Variants in STARD13 observed in about 807,000 individuals in gnomAD.
The protein encoded by STARD13 is StAR related lipid transfer domain containing 13.
In STARD13, 62 loss-of-function variants were observed where a neutral mutation model predicts 106.4. That is an observed-to-expected ratio of 0.58 (90% CI 0.48 to 0.72). The LOEUF is 0.72. STARD13 is among the 30% of genes least tolerant of loss of function. The pLI is 0.00. For missense variants in STARD13, 1,387 were observed against 1,424.0 expected (o/e 0.97, Z 0.42); for synonymous variants, 565 against 553.0 (o/e 1.02, Z -0.31).
the STARD13 span, among the ~76,000 whole-genome samples, chr13:33,622,755 A>G: frequency 6.6e-6 from 1 of 150,660 alleles, no homozygotes; most frequent in South Asian, 2.1e-4. Flanking sequence ...CCCCATCTCT[A>G]CTAAAAATAC....
the STARD13 span, among the ~76,000 whole-genome samples, chr13:33,656,068 A>T: frequency 2.0e-5 from 3 of 152,102 alleles, no homozygotes. Flanking sequence ...CCTACTCCTT[A>T]TCCCACTTTC....
intron 1 of STARD13, among the ~76,000 whole-genome samples, chr13:33,301,572 T>TC (rs199987732): frequency 0.017 from 2,428 of 146,070 alleles, 68 homozygotes; most frequent in African/African-American, 0.058. Flanking sequence ...TTTTTTCTTT[T>TC]TTTTTTTTTT....
At chr13:33,113,009 C>T in intron 8 of STARD13, 78 bp from the exon 9 acceptor site, 1 of 1,126,046 alleles carries the variant, frequency 8.9e-7, no homozygotes, top group South Asian at 1.6e-5. Context: ...GTAAGCTCCA[C>T]ATTCCTCGTG....
In STARD13 at chr13:33,105,322, C is replaced by T; in HGVS notation, c.*271G>A. The T allele has an allele frequency of 2.6e-6, 1 of 386,678 alleles. No homozygotes were observed. The highest frequency in any genetic ancestry group is 4.7e-6 in the Non-Finnish European group (1 of 212,456). The allele number at this position is 386,678 out of a possible 1,614,324, so 24.0% of individuals were successfully genotyped here. A position where few individuals can be genotyped will look rare whatever the true frequency, so the allele number is the denominator to read the frequency against. ...CCTTTAAATAGCAAATTAGGCAATG[C>T]ACAAGGAATAGTCCATTTAATTTTA... On this transcript the variant is annotated 3_prime_UTR_variant, in exon 14 of 14. Transcript: ENST00000336934.
the STARD13 span, among the ~76,000 whole-genome samples, chr13:33,407,340 C>A: frequency 2.1e-3 from 322 of 152,288 alleles, no homozygotes; most frequent in African/African-American, 7.4e-3. Flanking sequence ...CTAGGTGTTC[C>A]ATCTTGCAGA....
chr13:33,201,924 T>A (rs1887065704), intron 1 of STARD13, among the ~76,000 whole-genome samples: 1 of 151,942 alleles, frequency 6.6e-6, no homozygotes, highest in East Asian at 1.9e-4. Flanking sequence ...TTTTATTTGA[T>A]TATAAAAGTA....
At chr13:33,200,895 A>G (rs904120297) in intron 1 of STARD13, among the ~76,000 whole-genome samples, 42 of 151,978 alleles carry the variant, frequency 2.8e-4, no homozygotes, top group Middle Eastern at 3.4e-3. Context: ...GCATGGTGGC[A>G]GGCGCCTGTG....
At chr13:33,144,601 TA>T (rs1880281966) in intron 3 of STARD13, among the ~76,000 whole-genome samples, 1 of 152,250 alleles carries the variant, frequency 6.6e-6, no homozygotes, top group Non-Finnish European at 1.5e-5. Context: ...TAGTGTCAGA[TA>T]TAGCAGGCAA....
At chr13:33,393,183 A>G in the STARD13 span, among the ~76,000 whole-genome samples, 2 of 152,342 alleles carry the variant, frequency 1.3e-5, no homozygotes, top group Admixed American at 6.5e-5. Context: ...CCACTACTGC[A>G]TATTATGAAG....
chr13:33,245,376 A>G (rs1889772023), intron 1 of STARD13, among the ~76,000 whole-genome samples: 3 of 152,236 alleles, frequency 2.0e-5, no homozygotes, highest in African/African-American at 7.2e-5. Flanking sequence ...TGTTTATGAA[A>G]GAAAAAATAT....
exon 1 of STARD13, chr13:33,350,395 G>A (rs1172598519): frequency 1.3e-6 from 2 of 1,533,488 alleles, no homozygotes; most frequent in Admixed American, 2.0e-5. Flanking sequence ...GTTTGGCAAG[G>A]TTTCCGTTTG....
the STARD13 span, among the ~76,000 whole-genome samples, chr13:33,676,411 C>G: frequency 2.2e-4 from 33 of 152,326 alleles, no homozygotes; most frequent in Middle Eastern, 6.8e-3. Context: ...CCAGTCTATT[C>G]TGGACACTTC....
the STARD13 span, among the ~76,000 whole-genome samples, chr13:33,499,591 CTTCTTCTTCTTCTTT>C: frequency 9.4e-5 from 6 of 64,004 alleles, no homozygotes; most frequent in Admixed American, 3.5e-4. Flanking sequence ...TCTTCTTCTT[CTTCTTCTTCTTCTTT>C]CTTCTTCTTC....
At chr13:33,660,292 T>C in the STARD13 span, among the ~76,000 whole-genome samples, 2 of 152,384 alleles carry the variant, frequency 1.3e-5, no homozygotes, top group Admixed American at 1.3e-4. Context: ...TTAGTTGTCA[T>C]AGTTTTTCAC....
chr13:33,270,616 A>G (rs1174013933), intron 1 of STARD13, among the ~76,000 whole-genome samples: 1 of 152,208 alleles, frequency 6.6e-6, no homozygotes, highest in African/African-American at 2.4e-5. Flanking sequence ...TGTTAGGACA[A>G]ACGTGCTCGA....
chr13:33,177,842 A>AAAGG (rs1365139255), intron 1 of STARD13, among the ~76,000 whole-genome samples: 1 of 11,578 alleles, frequency 8.6e-5, no homozygotes, highest in Non-Finnish European at 1.5e-4. Flanking sequence ...GGAAGGAAGG[A>AAAGG]AAGGAAGGAA....
At chr13:33,312,452 C>A (rs558057943) in intron 1 of STARD13, among the ~76,000 whole-genome samples, 26 of 152,234 alleles carry the variant, frequency 1.7e-4, no homozygotes, top group African/African-American at 6.0e-4. Flanking sequence ...TTTTCTCCGG[C>A]CTTTTCTGCC....
intron 1 of STARD13, among the ~76,000 whole-genome samples, chr13:33,194,726 A>G (rs1886493219): frequency 6.6e-6 from 1 of 152,264 alleles, no homozygotes; most frequent in Non-Finnish European, 1.5e-5. Flanking sequence ...TCAACCCTCA[A>G]ATATGGGCTT....
At chr13:33,407,853 C>A in the STARD13 span, among the ~76,000 whole-genome samples, 1 of 152,206 alleles carries the variant, frequency 6.6e-6, no homozygotes, top group Admixed American at 6.5e-5. Context: ...GCCATCAAAG[C>A]TACAGTGAAG....
Sources: gnomAD v4.1 joint callset for allele counts (sites outside exome capture counted in the v4.1 genomes callset) on GRCh38, gnomAD v4.1.1 for gene constraint, MANE v1.5 for transcripts, NCBI Gene and HGNC (gene_info 2026-07-23, HGNC 2026-07-21) for gene names.